ERC2: variants seen among roughly 807,000 people sequenced by gnomAD.
The protein encoded by ERC2 is ERC protein 2.
ERC2 carries 42 observed loss-of-function variants against 114.8 expected under a neutral mutation model. The ratio of observed to expected loss-of-function variants is 0.37; its 90% CI spans 0.29 to 0.47. The LOEUF (loss-of-function observed/expected upper bound fraction) is 0.47, where lower values mean the gene tolerates loss of function less well. ERC2 is among the 20% of genes least tolerant of loss of function. ERC2 has a pLI of 0.99. For synonymous variants in ERC2, 454 were observed against 425.5 expected, an observed-to-expected ratio of 1.07 and a Z score of -0.82; for missense variants, 939 against 1,150.7, an observed-to-expected ratio of 0.82 and a Z score of 2.66.
intron 3 of ERC2, among the ~76,000 whole-genome samples, chr3:56,225,947 CTAGCATTTATGGCAA>C (rs2050221867): frequency 1.3e-5 from 2 of 152,194 alleles, no homozygotes; most frequent in South Asian, 4.1e-4. Context: ...TTCCTAAGCA[CTAGCATTTATGGCAA>C]TCAGAACTGC....
intron 7 of ERC2, among the ~76,000 whole-genome samples, chr3:56,053,447 A>G (rs1044590038): frequency 6.6e-6 from 1 of 152,174 alleles, no homozygotes; most frequent in African/African-American, 2.4e-5. Context: ...AAAGGACAGG[A>G]TGACCTCAGG....
chr3:55,918,512 C>T (rs773663509), intron 13 of ERC2, among the ~76,000 whole-genome samples: 16 of 151,992 alleles, frequency 1.1e-4, no homozygotes, highest in African/African-American at 1.4e-4. Context: ...AACATAACCA[C>T]GAGTTTTTTC....
At chr3:55,851,426 C>A (rs1205175642) in intron 14 of ERC2, among the ~76,000 whole-genome samples, 1 of 152,174 alleles carries the variant, frequency 6.6e-6, no homozygotes, top group Non-Finnish European at 1.5e-5. Flanking sequence ...CACACACACA[C>A]AACTAGAGGG....
At chr3:56,297,827 A>G (rs989165906) in intron 2 of ERC2, among the ~76,000 whole-genome samples, 1 of 152,230 alleles carries the variant, frequency 6.6e-6, no homozygotes, top group Admixed American at 6.5e-5. Flanking sequence ...CTGAATTCCT[A>G]TAGCTGACAC....
Position 55,684,253 on chromosome 3 carries a change from A to C in ERC2, c.2848-394T>G, listed in dbSNP as rs561908069. Among the ~76,000 whole-genome samples the C allele has an allele frequency of 2.4e-3, 365 of 152,258 alleles. 3 individuals are homozygous for C. Among genetic ancestry groups the C allele is most frequent in the African/African-American group, 8.4e-3 (350 of 41,538 alleles). ...AGCAGAGAAGTAATTATAGTAATCA[A>C]ATACCCTTAATTTCTCTTAAGCTTA... On this transcript the variant is annotated intron_variant, in intron 16 of 17. Coordinates refer to ENST00000288221, the MANE Select transcript of ERC2 (RefSeq NM_015576.3).
chr3:55,652,278 G>A (rs1025948218), intron 17 of ERC2, among the ~76,000 whole-genome samples: 3 of 152,336 alleles, frequency 2.0e-5, no homozygotes, highest in East Asian at 1.9e-4. Flanking sequence ...GATGGTTTGC[G>A]ACAACCTGAG....
chr3:55,661,210 A>C (rs948219774), intron 17 of ERC2, among the ~76,000 whole-genome samples: 1 of 152,178 alleles, frequency 6.6e-6, no homozygotes, highest in Non-Finnish European at 1.5e-5. Context: ...GGCTCAGTTC[A>C]TTCTCTGCTG....
rs186923759 is a variant in ERC2, at chr3:55,613,759, A to G, written c.*39+70035T>C. 2.0e-5 allele frequency among the ~76,000 whole-genome samples: 3 copies of G among 152,104 alleles called. No homozygotes were observed. The East Asian group carries it at 5.8e-4, about 29-fold the overall frequency. On this transcript the variant is annotated intron_variant, in intron 17 of 17. Transcript: ENST00000288221. Reference sequence around the variant, plus strand: ...TTTGGGAGGCCAAGGTGGGTGGATCACCTGAGGGTCAGGAGTTCAAGACCA... The same window carrying G: ...TTTGGGAGGCCAAGGTGGGTGGATCGCCTGAGGGTCAGGAGTTCAAGACCA...
chr3:55,775,467 GC>G (rs2068521318), intron 14 of ERC2, among the ~76,000 whole-genome samples: 1 of 151,738 alleles, frequency 6.6e-6, no homozygotes, highest in Non-Finnish European at 1.5e-5. Flanking sequence ...GGAGAATGAG[GC>G]TGCAGCGAAC....
chr3:55,733,008 A>G (rs1292941441), intron 15 of ERC2, among the ~76,000 whole-genome samples: 1 of 152,154 alleles, frequency 6.6e-6, no homozygotes, highest in African/African-American at 2.4e-5. Flanking sequence ...TGGATCATGT[A>G]TGCATCGTAG....
At chr3:55,937,578 A>C (rs1282514187) in intron 13 of ERC2, among the ~76,000 whole-genome samples, 1 of 152,102 alleles carries the variant, frequency 6.6e-6, no homozygotes, top group Non-Finnish European at 1.5e-5. Context: ...ATGGAAAAGC[A>C]CCTCCAGGGG....
At chr3:55,664,749 C>T (rs1025882494) in intron 17 of ERC2, among the ~76,000 whole-genome samples, 1 of 152,186 alleles carries the variant, frequency 6.6e-6, no homozygotes, top group African/African-American at 2.4e-5. Flanking sequence ...GGAAACCAAA[C>T]GCTCTTTGTG....
At chr3:56,342,818 T>C (rs1351963325) in intron 2 of ERC2, among the ~76,000 whole-genome samples, 2 of 152,126 alleles carry the variant, frequency 1.3e-5, no homozygotes, top group Non-Finnish European at 2.9e-5. Flanking sequence ...TAGAGAGAAG[T>C]CATTAAGAAT....
chr3:56,038,621 T>C (rs2074950756), intron 7 of ERC2, among the ~76,000 whole-genome samples: 1 of 152,064 alleles, frequency 6.6e-6, no homozygotes. Context: ...CTATTATAAA[T>C]ATATACGCAT....
rs145794503 is a variant in ERC2, at chr3:55,870,689, G to C, written c.2564+17700C>G. On this transcript the variant is annotated intron_variant, in intron 14 of 17. Coordinates refer to ENST00000288221, the MANE Select transcript of ERC2 (RefSeq NM_015576.3). ...CACCCAGGGGTCAAGCAGATACTAAGAGACCCATTCCCAGGGGGCTAAGGA... is the reference window on the plus strand; with the variant it reads ...CACCCAGGGGTCAAGCAGATACTAACAGACCCATTCCCAGGGGGCTAAGGA... 3.7e-4 allele frequency among the ~76,000 whole-genome samples: 57 copies of C among 152,270 alleles called. No homozygotes were observed. In the East Asian group the frequency reaches 0.011, roughly 29 times the overall value.
intron 6 of ERC2, among the ~76,000 whole-genome samples, chr3:56,090,774 A>G (rs905983849): frequency 1.4e-5 from 2 of 142,282 alleles, no homozygotes; most frequent in African/African-American, 5.2e-5. Context: ...TGATTTTTCA[A>G]TGCTCCCTGG....
intron 5 of ERC2, among the ~76,000 whole-genome samples, chr3:56,146,423 C>A (rs1020979439): frequency 4.6e-5 from 7 of 151,942 alleles, no homozygotes; most frequent in Non-Finnish European, 8.8e-5. Flanking sequence ...AAAAACTGAC[C>A]CTTACTAGTA....
intron 7 of ERC2, among the ~76,000 whole-genome samples, chr3:56,029,612 A>G (rs1441005747): frequency 6.6e-6 from 1 of 152,100 alleles, no homozygotes; most frequent in Non-Finnish European, 1.5e-5. Flanking sequence ...ATTTATGAGC[A>G]TAAAGTTGTC....
At chr3:56,386,497 G>T (rs1158823767) in intron 2 of ERC2, among the ~76,000 whole-genome samples, 3 of 152,076 alleles carry the variant, frequency 2.0e-5, no homozygotes, top group Non-Finnish European at 2.9e-5. Flanking sequence ...GAAAATATGG[G>T]CTCCACACTA....
Sources: allele counts gnomAD v4.1 joint callset (sites outside exome capture counted in the v4.1 genomes callset), GRCh38; gene constraint gnomAD v4.1.1; transcripts MANE v1.5; gene names NCBI Gene and HGNC (gene_info 2026-07-23, HGNC 2026-07-21).